Variants in KCNAB2 observed in about 807,000 individuals in gnomAD.
The protein encoded by KCNAB2 is voltage-gated potassium channel subunit beta-2.
KCNAB2 carries 29 observed loss-of-function variants against 63.6 expected under a neutral mutation model. The observed-to-expected ratio is 0.46, with a 90% CI of 0.34 to 0.62. The LOEUF (loss-of-function observed/expected upper bound fraction) is 0.62. Among genes scored for constraint, KCNAB2 ranks in the 20% least tolerant of loss-of-function variants. KCNAB2 has a pLI of 0.01. For missense variants in KCNAB2, 359 were observed against 563.9 expected, an observed-to-expected ratio of 0.64 and a Z score of 3.68; for synonymous variants, 222 against 224.2, an observed-to-expected ratio of 0.99 and a Z score of 0.09.
chr1:6,002,919 C>T (rs555919280), intron 1 of KCNAB2, among the ~76,000 whole-genome samples: 3 of 152,336 alleles, frequency 2.0e-5, no homozygotes, highest in East Asian at 1.9e-4. Flanking sequence ...TTTGCTCTGG[C>T]TCTGGCCCCC....
intron 5 of KCNAB2, among the ~76,000 whole-genome samples, chr1:6,082,990 G>T (rs1372275140): frequency 6.6e-6 from 1 of 152,162 alleles, no homozygotes; most frequent in Non-Finnish European, 1.5e-5. Flanking sequence ...ACCTGCAACT[G>T]CAGCGGGGCC....
At chr1:6,091,380 A>G (rs1665172684) in intron 10 of KCNAB2, 73 bp downstream of exon 10, 3 of 1,116,704 alleles carry the variant, frequency 2.7e-6, no homozygotes, top group Non-Finnish European at 3.9e-6. Context: ...ATTTTTATTT[A>G]CATGATTCTT....
At chr1:6,023,029 C>T (rs1658937932) in intron 1 of KCNAB2, among the ~76,000 whole-genome samples, 1 of 151,944 alleles carries the variant, frequency 6.6e-6, no homozygotes, top group African/African-American at 2.4e-5. Flanking sequence ...ATTACAGGTG[C>T]CTGCCATGAC....
intron 8 of KCNAB2, among the ~76,000 whole-genome samples, chr1:6,089,823 G>T (rs537380054): frequency 8.5e-4 from 130 of 152,318 alleles, no homozygotes; most frequent in Admixed American, 1.8e-3. Flanking sequence ...TCAGCCTCCT[G>T]AGTAGCTGGG....
At position 5,997,867 on chromosome 1, in the gene KCNAB2, C is replaced by A. The variant is rs377587931; in HGVS notation, c.-53+5079C>A. Reference sequence around the variant, plus strand: ...TTTAAAACATTGCTTAAAACCTATACATGCCAGTGAAGGGCGAAGGTCTTA... The same window carrying A: ...TTTAAAACATTGCTTAAAACCTATAAATGCCAGTGAAGGGCGAAGGTCTTA... On this transcript the variant is annotated intron_variant, in intron 1 of 16. Coordinates refer to the KCNAB2 transcript ENST00000341524. 9.2e-4 allele frequency among the ~76,000 whole-genome samples: 140 copies of A among 152,364 alleles called. 3 individuals are homozygous for A. The highest frequency in any genetic ancestry group is 9.0e-3 in the Admixed American group (138 of 15,310).
chr1:6,077,592 G>C (rs1663776227), intron 4 of KCNAB2, among the ~76,000 whole-genome samples: 1 of 152,204 alleles, frequency 6.6e-6, no homozygotes, highest in East Asian at 1.9e-4. Flanking sequence ...AGGTTTCTGT[G>C]ATTGGCCGGG....
chr1:6,080,514 G>C (rs555090502), intron 4 of KCNAB2, among the ~76,000 whole-genome samples: 2 of 152,186 alleles, frequency 1.3e-5, no homozygotes, highest in African/African-American at 4.8e-5. Flanking sequence ...CCTGAAAACC[G>C]ACGGCCTCCA....
intron 9 of KCNAB2, 30 bp downstream of exon 9, chr1:6,090,505 A>T (rs775567927): frequency 5.1e-6 from 8 of 1,576,754 alleles, no homozygotes; most frequent in Middle Eastern, 1.8e-4. Context: ...GCCACCGGTT[A>T]GGCCTGGGCG....
upstream of KCNAB2, among the ~76,000 whole-genome samples, chr1:6,042,056 A>C (rs999304775): frequency 2.0e-5 from 3 of 151,976 alleles, no homozygotes; most frequent in Non-Finnish European, 4.4e-5. Context: ...GTCCTGATGG[A>C]AAATGTGAAG....
chr1:6,008,597 G>T (rs1302487163), intron 1 of KCNAB2, among the ~76,000 whole-genome samples: 1 of 145,888 alleles, frequency 6.9e-6, no homozygotes, highest in African/African-American at 2.6e-5. Context: ...CTGCACTCCA[G>T]CCTGGAGACG....
At chr1:6,051,383 A>T in intron 1 of KCNAB2, 128 bp from the exon 2 acceptor site, 7 of 1,172,940 alleles carry the variant, frequency 6.0e-6, no homozygotes, top group Non-Finnish European at 8.0e-6. Flanking sequence ...ACTCCTAGAC[A>T]CCAAGACCTG....
intron 2 of KCNAB2, among the ~76,000 whole-genome samples, chr1:6,055,310 G>T (rs866445430): frequency 2.8e-4 from 43 of 152,106 alleles, no homozygotes; most frequent in African/African-American, 9.7e-4. Context: ...ACGCCCTTGG[G>T]GATCTCGCTT....
chr1:6,000,574 G>A (rs1657195094), intron 1 of KCNAB2, among the ~76,000 whole-genome samples: 1 of 151,596 alleles, frequency 6.6e-6, no homozygotes, highest in Non-Finnish European at 1.5e-5. Context: ...CCGCTCCTGT[G>A]AGGAGTGAAC....
At chr1:6,041,880 G>A, upstream of KCNAB2, 1 of 1,613,556 alleles carries the variant, frequency 6.2e-7, no homozygotes, top group Non-Finnish European at 8.5e-7. Context: ...CAGGTAATGA[G>A]TCTTCATTCT....
intron 1 of KCNAB2, among the ~76,000 whole-genome samples, chr1:6,038,691 C>A (rs905418585): frequency 1.6e-4 from 25 of 152,188 alleles, no homozygotes; most frequent in African/African-American, 6.0e-4. Context: ...GCTGCCTTGA[C>A]CCCAGGGACA....
chr1:6,082,011 G>T (rs1458500102), intron 4 of KCNAB2, among the ~76,000 whole-genome samples, 184 bp from the exon 5 acceptor site: 1 of 152,162 alleles, frequency 6.6e-6, no homozygotes, highest in East Asian at 1.9e-4. Context: ...GTTTGTTACT[G>T]AGAGCTGCCT....
At chr1:5,998,107 A>G (rs1363061422) in intron 1 of KCNAB2, among the ~76,000 whole-genome samples, 1 of 152,264 alleles carries the variant, frequency 6.6e-6, no homozygotes, top group African/African-American at 2.4e-5. Flanking sequence ...TGGTCTGGAA[A>G]AGGGCTCTGC....
At chr1:6,042,843 ACC>A (rs1157271557), upstream of KCNAB2, among the ~76,000 whole-genome samples, 7 of 29,006 alleles carry the variant, frequency 2.4e-4, no homozygotes, top group African/African-American at 8.7e-4. Context: ...CCCACTCCCC[ACC>A]CCCCCCCCCG....
intron 1 of KCNAB2, among the ~76,000 whole-genome samples, chr1:6,008,477 C>A (rs1426322310): frequency 6.6e-6 from 1 of 152,130 alleles, no homozygotes; most frequent in Non-Finnish European, 1.5e-5. Context: ...AAAAATTACC[C>A]AGGCATGATG....
Sources: allele counts gnomAD v4.1 joint callset (sites outside exome capture counted in the v4.1 genomes callset), GRCh38; gene constraint gnomAD v4.1.1; transcripts MANE v1.5; gene names NCBI Gene and HGNC (gene_info 2026-07-23, HGNC 2026-07-21).